Variants in CEP128 observed in about 807,000 individuals in gnomAD.
CEP128 encodes the protein centrosomal protein 128.
A neutral mutation model predicts 156.7 loss-of-function variants in CEP128; 132 were observed. That is an observed-to-expected ratio of 0.84 (90% CI 0.73 to 0.97). CEP128 has a LOEUF of 0.97. CEP128 is among the 50% of genes least tolerant of loss of function. The probability of loss-of-function intolerance (pLI) is 0.00; values close to 1 mark genes in which losing one functional copy is unlikely to be tolerated. For missense variants in CEP128, 1,252 were observed against 1,281.9 expected (o/e 0.98, Z 0.36); for synonymous variants, 469 against 448.9 (o/e 1.04, Z -0.57).
At chr14:80,594,829 C>A (rs979694008) in intron 19 of CEP128, among the ~76,000 whole-genome samples, 1 of 152,028 alleles carries the variant, frequency 6.6e-6, no homozygotes, top group Non-Finnish European at 1.5e-5. Context: ...AACAACAGAT[C>A]CTGGAGAGGA....
Position 80,761,480 on chromosome 14 carries a change from G to C in CEP128, c.2510C>G (p.Ala837Gly). The change falls in exon 17 of 25, where the codon GCA becomes GGA. Residue 837 changes from alanine to glycine, a missense_variant. Coordinates refer to ENST00000555265, the MANE Select transcript of CEP128 (RefSeq NM_152446.5). Reference sequence around the variant, plus strand: ...GTCCTTGGAGAATGTTTTACAAGCTGCATCAATTTCCTTTCCTATCACACC... The same window carrying C: ...GTCCTTGGAGAATGTTTTACAAGCTCCATCAATTTCCTTTCCTATCACACC... Reference protein sequence around the residue: ...ILGVIGKEIDAACKTFSKDSV... With the variant: ...ILGVIGKEIDGACKTFSKDSV... 6.2e-7 allele frequency: 1 copy of C among 1,611,370 alleles called. No homozygotes were observed. The highest frequency in any genetic ancestry group is 1.3e-5 in the African/African-American group (1 of 74,976).
chr14:80,755,572 G>C (rs1427131485), intron 18 of CEP128, among the ~76,000 whole-genome samples: 1 of 152,136 alleles, frequency 6.6e-6, no homozygotes, highest in African/African-American at 2.4e-5. Flanking sequence ...AAATTCATTT[G>C]GTAGATTTAT....
chr14:80,479,672 G>C (rs1887013856), intron 14 of CEP128, among the ~76,000 whole-genome samples: 2 of 151,998 alleles, frequency 1.3e-5, no homozygotes. Context: ...TTCTGCCCCT[G>C]GTCCCTCCAA....
chr14:80,907,024 CCAGCGTTAAAAGGTAGAACACCA>C (rs1298595951), intron 4 of CEP128, among the ~76,000 whole-genome samples: 2 of 152,090 alleles, frequency 1.3e-5, no homozygotes, highest in Non-Finnish European at 2.9e-5. Flanking sequence ...CTAAATTCAG[CCAGCGTTAAAAGGTAGAACACCA>C]TTTACGGGGA....
chr14:80,751,883 G>A (rs757492239), intron 18 of CEP128, among the ~76,000 whole-genome samples: 2 of 151,962 alleles, frequency 1.3e-5, no homozygotes, highest in Non-Finnish European at 2.9e-5. Flanking sequence ...TATCCACCTC[G>A]GCCTCTCAAA....
At chr14:80,852,551 A>G (rs1886945892) in intron 9 of CEP128, among the ~76,000 whole-genome samples, 2 of 151,884 alleles carry the variant, frequency 1.3e-5, no homozygotes, top group Admixed American at 1.3e-4. Context: ...AGCAATAAAC[A>G]AAGCCAGTCA....
At chr14:80,698,091 T>C (rs980081162) in intron 19 of CEP128, among the ~76,000 whole-genome samples, 11 of 152,036 alleles carry the variant, frequency 7.2e-5, no homozygotes, top group African/African-American at 2.2e-4. Context: ...CAAATTTCTA[T>C]TAAATTCTTA....
downstream of CEP128, among the ~76,000 whole-genome samples, chr14:80,488,732 T>G (rs112342506): frequency 1.3e-5 from 2 of 152,032 alleles, no homozygotes; most frequent in East Asian, 1.9e-4. Flanking sequence ...TTGGAACCAA[T>G]CCAAATGTCC....
At chr14:80,674,120 C>G (rs1895969625) in intron 19 of CEP128, among the ~76,000 whole-genome samples, 1 of 150,976 alleles carries the variant, frequency 6.6e-6, no homozygotes, top group Non-Finnish European at 1.5e-5. Context: ...GTACAGAAAA[C>G]TGGTAATCAG....
At chr14:80,720,380 G>A (rs1471445291) in intron 19 of CEP128, among the ~76,000 whole-genome samples, 1 of 152,144 alleles carries the variant, frequency 6.6e-6, no homozygotes, top group East Asian at 1.9e-4. Flanking sequence ...GCAAGCTGCT[G>A]AGAGGTGAAT....
At chr14:80,506,207 G>A (rs553277710) in intron 23 of CEP128, among the ~76,000 whole-genome samples, 1 of 152,144 alleles carries the variant, frequency 6.6e-6, no homozygotes, top group East Asian at 1.9e-4. Flanking sequence ...CCAGACTCAA[G>A]TAAGTGTGGA....
At chr14:80,570,634 AGTGT>A (rs369737569) in intron 20 of CEP128, among the ~76,000 whole-genome samples, 8 of 151,910 alleles carry the variant, frequency 5.3e-5, no homozygotes, top group African/African-American at 7.3e-5. Flanking sequence ...AAATTGTGAG[AGTGT>A]GTGTGTGTGT....
At chr14:80,514,614 C>T in intron 23 of CEP128, 1 of 317,596 alleles carries the variant, frequency 3.1e-6, no homozygotes, top group Admixed American at 3.8e-5. Flanking sequence ...TAATAGGATT[C>T]TAAATTCCTT....
At chr14:80,713,643 A>C (rs890609915) in intron 19 of CEP128, among the ~76,000 whole-genome samples, 2 of 152,198 alleles carry the variant, frequency 1.3e-5, no homozygotes, top group Non-Finnish European at 2.9e-5. Flanking sequence ...AGAGAGGGAC[A>C]AGGTCTTATT....
intron 13 of CEP128, among the ~76,000 whole-genome samples, chr14:80,829,569 C>A (rs1022379669): frequency 6.6e-6 from 1 of 152,152 alleles, no homozygotes; most frequent in African/African-American, 2.4e-5. Flanking sequence ...GCCACTGCTC[C>A]CAGCCTGCAT....
chr14:80,683,316 C>T (rs1001106367), intron 19 of CEP128, among the ~76,000 whole-genome samples: 3 of 152,026 alleles, frequency 2.0e-5, no homozygotes, highest in Non-Finnish European at 4.4e-5. Context: ...GCAGGGATCA[C>T]AATTCTTATA....
intron 9 of CEP128, among the ~76,000 whole-genome samples, chr14:80,859,574 AAAAG>A (rs1168110222): frequency 1.3e-5 from 2 of 152,214 alleles, no homozygotes; most frequent in Middle Eastern, 3.4e-3. Flanking sequence ...ATTTTTAAAA[AAAAG>A]AAAGAAAATC....
chr14:80,559,184 G>T, intron 21 of CEP128, 95 bp downstream of exon 21: 2 of 1,123,398 alleles, frequency 1.8e-6, no homozygotes, highest in South Asian at 2.8e-5. Flanking sequence ...TTTTCGAAAT[G>T]ATTTCTGAAA....
At chr14:80,946,427 A>G (rs1408233510), upstream of CEP128, among the ~76,000 whole-genome samples, 1 of 147,226 alleles carries the variant, frequency 6.8e-6, no homozygotes, top group Non-Finnish European at 1.5e-5. Context: ...AGTTCTGTTG[A>G]TTGAAATCTA....
Sources: gnomAD v4.1 joint callset for allele counts (sites outside exome capture counted in the v4.1 genomes callset) on GRCh38, gnomAD v4.1.1 for gene constraint, MANE v1.5 for transcripts, NCBI Gene and HGNC (gene_info 2026-07-23, HGNC 2026-07-21) for gene names.